EPB41L3: variants seen among roughly 807,000 people sequenced by gnomAD.
EPB41L3 encodes the protein band 4.1-like protein 3.
A neutral mutation model predicts 127.1 loss-of-function variants in EPB41L3; 57 were observed. The ratio of observed to expected loss-of-function variants is 0.45; its 90% CI spans 0.36 to 0.56. The LOEUF is 0.56. EPB41L3 is among the 20% of genes least tolerant of loss of function. The pLI is 0.00. For synonymous variants in EPB41L3, 572 were observed against 549.5 expected, an observed-to-expected ratio of 1.04 and a Z score of -0.57; for missense variants, 1,273 against 1,372.2, an observed-to-expected ratio of 0.93 and a Z score of 1.14.
intron 3 of EPB41L3, among the ~76,000 whole-genome samples, chr18:5,583,265 C>T (rs1030047382): frequency 6.6e-6 from 1 of 152,108 alleles, no homozygotes; most frequent in Non-Finnish European, 1.5e-5. Context: ...ACAAAGGCCT[C>T]GTGAAATAGG....
chr18:5,497,403 G>T (rs868103008), intron 1 of EPB41L3, among the ~76,000 whole-genome samples: 111 of 152,306 alleles, frequency 7.3e-4, no homozygotes, highest in African/African-American at 2.5e-3. Flanking sequence ...CAAGGTAGCA[G>T]GTGAGGGAAC....
chr18:5,426,974 A>G (rs1489273086), intron 9 of EPB41L3, among the ~76,000 whole-genome samples: 3 of 152,210 alleles, frequency 2.0e-5, no homozygotes, highest in South Asian at 4.1e-4. Flanking sequence ...TTATGTTCAT[A>G]CTAAACATCA....
intron 1 of EPB41L3, chr18:5,521,523 C>A (rs145007372): frequency 2.6e-5 from 4 of 152,148 alleles, no homozygotes; most frequent in African/African-American, 9.7e-5. Flanking sequence ...GTGAGGATAT[C>A]ATAAGAAATG....
intron 1 of EPB41L3, among the ~76,000 whole-genome samples, chr18:5,517,280 G>C (rs1314422367): frequency 6.6e-6 from 1 of 151,950 alleles, no homozygotes; most frequent in Non-Finnish European, 1.5e-5. Context: ...GACTGAAAAG[G>C]TCTCCCGCTT....
intron 1 of EPB41L3, among the ~76,000 whole-genome samples, chr18:5,616,925 T>C (rs1348770289): frequency 6.6e-6 from 1 of 152,372 alleles, no homozygotes; most frequent in African/African-American, 2.4e-5. Flanking sequence ...CTTGCTATTA[T>C]GGAGAATTTT....
chr18:5,581,442 T>A (rs1297794555), intron 3 of EPB41L3, among the ~76,000 whole-genome samples: 1 of 152,198 alleles, frequency 6.6e-6, no homozygotes, highest in African/African-American at 2.4e-5. Flanking sequence ...TGAAGGTAAA[T>A]ACGTTATCAT....
intron 16 of EPB41L3, among the ~76,000 whole-genome samples, chr18:5,405,546 C>T (rs2075234604): frequency 6.6e-6 from 1 of 151,876 alleles, no homozygotes; most frequent in Non-Finnish European, 1.5e-5. Context: ...AAAGAGCTTC[C>T]TTGGGAGGCT....
In EPB41L3 at chr18:5,478,384, G is replaced by A. The variant is rs1283679414; in HGVS notation, c.238C>T (p.Gln80Ter). The A allele has an allele frequency of 6.2e-7, 1 of 1,614,050 alleles. No homozygotes were observed. Among genetic ancestry groups the A allele is most frequent in the African/African-American group, 1.3e-5 (1 of 74,934 alleles). The change falls in exon 3 of 23, where the codon CAG becomes TAG. Residue 80 changes from glutamine to a stop codon, truncating the protein, a stop_gained. Transcript: ENST00000341928. LOFTEE classifies it high-confidence loss of function. ...GAAAGTTTATCGTCTTCTAATTGCTGATATTCGAGCTGTTTTGCAGCCCTG... is the reference window on the plus strand; with the variant it reads ...GAAAGTTTATCGTCTTCTAATTGCTAATATTCGAGCTGTTTTGCAGCCCTG... ...AARAAKQLEYQQLEDDKLSQK... is the reference protein window; with the variant it reads ...AARAAKQLEY
intron 3 of EPB41L3, among the ~76,000 whole-genome samples, chr18:5,476,386 T>A (rs1454611840): frequency 6.6e-6 from 1 of 152,146 alleles, no homozygotes; most frequent in East Asian, 1.9e-4. Flanking sequence ...CACAGTGACA[T>A]TAAAAGAAAG....
intron 1 of EPB41L3, among the ~76,000 whole-genome samples, chr18:5,525,077 T>C (rs547983664): frequency 6.6e-6 from 1 of 152,324 alleles, no homozygotes; most frequent in East Asian, 1.9e-4. Context: ...CATGCCATAT[T>C]TCAATTTATT....
At chr18:5,456,579 TA>T (rs1265710844) in intron 3 of EPB41L3, among the ~76,000 whole-genome samples, 2 of 152,224 alleles carry the variant, frequency 1.3e-5, no homozygotes, top group Non-Finnish European at 2.9e-5. Flanking sequence ...GTCCAGTAGA[TA>T]GGGGAAGAAA....
intron 3 of EPB41L3, among the ~76,000 whole-genome samples, chr18:5,603,365 T>G (rs1229207708): frequency 2.0e-5 from 3 of 152,132 alleles, no homozygotes; most frequent in African/African-American, 7.2e-5. Context: ...AAGGCAAGAC[T>G]TGGACAAGGC....
At chr18:5,441,590 CGA>C (rs2080765624) in intron 5 of EPB41L3, among the ~76,000 whole-genome samples, 1 of 152,018 alleles carries the variant, frequency 6.6e-6, no homozygotes, top group African/African-American at 2.4e-5. Context: ...CTCAGCCTCC[CGA>C]GTAGCTGGGA....
At chr18:5,538,164 T>C (rs1208354840) in intron 1 of EPB41L3, among the ~76,000 whole-genome samples, 4 of 152,222 alleles carry the variant, frequency 2.6e-5, no homozygotes, top group African/African-American at 9.6e-5. Flanking sequence ...ACAAAATAGA[T>C]TGGCCAAGGT....
chr18:5,489,263 A>C, intron 1 of EPB41L3, 69 bp from the exon 2 acceptor site: 2 of 1,520,060 alleles, frequency 1.3e-6, no homozygotes, highest in Non-Finnish European at 1.7e-6. Flanking sequence ...GAAAACTAGG[A>C]TGCTCACCGT....
intron 3 of EPB41L3, among the ~76,000 whole-genome samples, chr18:5,606,338 T>A (rs1312563192): frequency 6.6e-6 from 1 of 152,180 alleles, no homozygotes; most frequent in African/African-American, 2.4e-5. Flanking sequence ...CATGAAATCA[T>A]CTGTTTCAGA....
At chr18:5,531,975 A>G (rs142716091) in intron 1 of EPB41L3, among the ~76,000 whole-genome samples, 144 of 152,298 alleles carry the variant, frequency 9.5e-4, no homozygotes, top group African/African-American at 3.2e-3. Context: ...AAGAGTGGTA[A>G]GAGTAAGAAC....
intron 1 of EPB41L3, among the ~76,000 whole-genome samples, chr18:5,516,675 A>T (rs1185064374): frequency 6.6e-6 from 1 of 152,238 alleles, no homozygotes. Flanking sequence ...TGGCCTAAGC[A>T]AAATAATTAA....
intron 3 of EPB41L3, among the ~76,000 whole-genome samples, chr18:5,477,529 C>A (rs2087481981): frequency 6.6e-6 from 1 of 152,174 alleles, no homozygotes; most frequent in South Asian, 2.1e-4. Context: ...CACACACAGA[C>A]CTGCTCATAG....
Sources: gnomAD v4.1 joint callset for allele counts (sites outside exome capture counted in the v4.1 genomes callset) on GRCh38, gnomAD v4.1.1 for gene constraint, MANE v1.5 for transcripts, NCBI Gene and HGNC (gene_info 2026-07-23, HGNC 2026-07-21) for gene names.